SLC35G2: variants seen among roughly 807,000 people sequenced by gnomAD.
SLC35G2 encodes transmembrane protein 22.
Under a neutral mutation model 27.2 loss-of-function variants are expected in SLC35G2, and 20 were observed. The observed-to-expected ratio is 0.74, with a 90% CI of 0.52 to 1.07. The LOEUF (loss-of-function observed/expected upper bound fraction) is 1.07. Among genes scored for constraint, SLC35G2 ranks in the 50% least tolerant of loss-of-function variants. The pLI, the probability that SLC35G2 is intolerant of heterozygous loss-of-function variation, is 0.00. For missense variants in SLC35G2, 416 were observed against 493.3 expected (o/e 0.84, Z 1.48); for synonymous variants, 148 against 165.3 (o/e 0.90, Z 0.80).
chr3:136,850,094 G>A (rs1008095245), intron 1 of SLC35G2, among the ~76,000 whole-genome samples: 1 of 152,176 alleles, frequency 6.6e-6, no homozygotes, highest in East Asian at 1.9e-4. Context: ...GGGACAGAGC[G>A]AGACTCCGTC....
chr3:136,839,807 G>C (rs935217699), intron 1 of SLC35G2, among the ~76,000 whole-genome samples: 2 of 152,148 alleles, frequency 1.3e-5, no homozygotes, highest in Non-Finnish European at 2.9e-5. Flanking sequence ...TCAGTGGAGT[G>C]TCCAGCTCAA....
chr3:136,830,025 C>G (rs1172755098), intron 1 of SLC35G2, among the ~76,000 whole-genome samples: 5 of 151,666 alleles, frequency 3.3e-5, no homozygotes, highest in Non-Finnish European at 7.4e-5. Flanking sequence ...ATCTCTTTCA[C>G]TATCTCCTCT....
chr3:136,854,652 AG>A lies in SLC35G2; in HGVS notation c.195del (p.Arg66GlufsTer18). ...KGLLSEMKKK[G>X]RAFFGTMDTL... The stretch of plus-strand genomic sequence containing the variant: ...GTCTGCTGAGTGAAATGAAAAAAAA[AG>A]GGAGAGCTTTCTTTGGAACCATGGA... On this transcript the variant is annotated frameshift_variant, in exon 2 of 2. Transcript: ENST00000446465. LOFTEE classifies it high-confidence loss of function. The A allele has an allele frequency of 6.2e-7, 1 of 1,613,714 alleles. No individual in the cohort carries two copies.
rs908725825 is a variant in SLC35G2, at chr3:136,846,984, T to C, written c.-18-7459T>C. Among the ~76,000 whole-genome samples, 24 of 152,222 alleles carry C rather than the reference T, an allele frequency of 1.6e-4. 1 individual carries two copies. The highest frequency in any genetic ancestry group is 5.8e-4 in the African/African-American group (24 of 41,534). On this transcript the variant is annotated intron_variant, in intron 1 of 1. Transcript: ENST00000446465. ...GAGTTTGAGACAAACCTAGCCAACA[T>C]GGTGAAACCCCATTTCTACTAAAAA...
chr3:136,827,987 C>T (rs750291753), intron 1 of SLC35G2, among the ~76,000 whole-genome samples: 2 of 152,000 alleles, frequency 1.3e-5, no homozygotes, highest in Non-Finnish European at 2.9e-5. Flanking sequence ...CCACCATGCC[C>T]AGCTAATTTT....
intron 1 of SLC35G2, chr3:136,838,284 A>ATATATATATAT (rs1560013705): frequency 9.1e-5 from 10 of 109,774 alleles, no homozygotes; most frequent in African/African-American, 2.5e-4. Flanking sequence ...TATATATATA[A>ATATATATATAT]ATGCACACAC....
chr3:136,834,879 A>G (rs998153401), intron 1 of SLC35G2, among the ~76,000 whole-genome samples: 4 of 152,208 alleles, frequency 2.6e-5, no homozygotes, highest in Non-Finnish European at 4.4e-5. Flanking sequence ...TGGGTAAAAG[A>G]TAACTCTCTT....
chr3:136,835,458 T>C lies in SLC35G2; in HGVS notation c.-19+15830T>C, dbSNP rs188706869. On this transcript the variant is annotated intron_variant, in intron 1 of 1. Coordinates refer to ENST00000446465, the MANE Select transcript of SLC35G2 (RefSeq NM_025246.3). ...GTATCATATTAAAAGGCACATAATA[T>C]TGTTTTTTTGTTGGTGATGTTAACT... Among the ~76,000 whole-genome samples the C allele has an allele frequency of 2.3e-3, 345 of 152,194 alleles. 1 individual carries two copies. Among genetic ancestry groups the C allele is most frequent in the Non-Finnish European group, 4.0e-3 (273 of 67,996 alleles).
At chr3:136,824,141 A>C (rs766505935) in intron 1 of SLC35G2, among the ~76,000 whole-genome samples, 5 of 152,100 alleles carry the variant, frequency 3.3e-5, no homozygotes, top group Admixed American at 6.6e-5. Context: ...GTATAATTTG[A>C]AGTCACGTAA....
At chr3:136,830,170 G>A (rs747584583) in intron 1 of SLC35G2, among the ~76,000 whole-genome samples, 17 of 144,112 alleles carry the variant, frequency 1.2e-4, no homozygotes, top group Non-Finnish European at 2.4e-4. Flanking sequence ...GTGCAGTGGC[G>A]CGATCTCAGC....
rs1937895018 is a variant in SLC35G2 at position 136,854,750 on chromosome 3, A to G, written c.290A>G (p.Asn97Ser). Residue 97 changes from asparagine (N) to serine (S), a missense_variant, in exon 2 of 2, where the codon AAC becomes AGC. Physicochemically the swap from Asn to Ser is conservative, Grantham distance 46. Coordinates refer to ENST00000446465, the MANE Select transcript of SLC35G2 (RefSeq NM_025246.3). ...CAATTCCAGAGCTTTGCAGAAAAAA[A>G]CATTTTTCAATCCCGAAAAATGTGG... The part of the protein sequence containing the change: ...IGQFQSFAEK[N>S]IFQSRKMWIV... 2 of 1,614,176 alleles carry G rather than the reference A, an allele frequency of 1.2e-6. No individual in the cohort carries two copies. The highest frequency in any genetic ancestry group is 1.7e-6 in the Non-Finnish European group (2 of 1,180,020).
Position 136,854,782 on chromosome 3 carries a change from C to G in SLC35G2, c.322C>G (p.Leu108Val), listed in dbSNP as rs1237374448. The G allele has an allele frequency of 6.2e-7, 1 of 1,614,100 alleles. No homozygotes were observed. Among genetic ancestry groups the G allele is most frequent in the Non-Finnish European group, 8.5e-7 (1 of 1,180,010 alleles). Residue 108 changes from leucine (L) to valine (V), a missense_variant, in exon 2 of 2, where the codon CTG becomes GTG. By Grantham distance (32) the Leu-to-Val change is conservative (BLOSUM62 1). Coordinates refer to ENST00000446465, the MANE Select transcript of SLC35G2 (RefSeq NM_025246.3). ...TCAATCCCGAAAAATGTGGATAGTG[C>G]TGTTTGGATCTGCTTTGGCTCATGG... is the stretch of plus-strand genomic sequence containing the variant. ...IFQSRKMWIV[L>V]FGSALAHGCV...
chr3:136,845,804 C>T (rs1370824414), intron 1 of SLC35G2, among the ~76,000 whole-genome samples: 2 of 151,566 alleles, frequency 1.3e-5, no homozygotes, highest in Admixed American at 1.3e-4. Context: ...CCATGTTGGC[C>T]AGGATGGTCT....
intron 1 of SLC35G2, among the ~76,000 whole-genome samples, chr3:136,839,511 C>T (rs1201919703): frequency 6.6e-6 from 1 of 152,098 alleles, no homozygotes; most frequent in African/African-American, 2.4e-5. Context: ...AAGTCATGAA[C>T]CTTGACTGAG....
chr3:136,823,240 C>A (rs575018844), intron 1 of SLC35G2, among the ~76,000 whole-genome samples: 1 of 152,180 alleles, frequency 6.6e-6, no homozygotes, highest in African/African-American at 2.4e-5. Flanking sequence ...GATCTTTTGC[C>A]CATTTAAAAA....
At chr3:136,821,789 A>G (rs1186780509) in intron 1 of SLC35G2, among the ~76,000 whole-genome samples, 1 of 152,178 alleles carries the variant, frequency 6.6e-6, no homozygotes, top group Non-Finnish European at 1.5e-5. Context: ...TGTATTGTTG[A>G]TAGGTGCAAT....
At chr3:136,821,423 T>C (rs1936453019) in intron 1 of SLC35G2, among the ~76,000 whole-genome samples, 1 of 152,132 alleles carries the variant, frequency 6.6e-6, no homozygotes, top group Non-Finnish European at 1.5e-5. Flanking sequence ...AAAGAATATG[T>C]AACATGAGAT....
At chr3:136,852,656 C>T (rs1285570683) in intron 1 of SLC35G2, among the ~76,000 whole-genome samples, 2 of 151,794 alleles carry the variant, frequency 1.3e-5, no homozygotes, top group Non-Finnish European at 2.9e-5. Context: ...CCATTCCCAG[C>T]TAATTTTTGC....
chr3:136,827,403 G>A (rs551377425), intron 1 of SLC35G2, among the ~76,000 whole-genome samples: 19 of 152,132 alleles, frequency 1.2e-4, no homozygotes, highest in Admixed American at 1.2e-3. Context: ...TTATAGCGAT[G>A]AGGTTTTGCC....
Sources: gnomAD v4.1 joint callset for allele counts (sites outside exome capture counted in the v4.1 genomes callset) on GRCh38, gnomAD v4.1.1 for gene constraint, MANE v1.5 for transcripts, NCBI Gene and HGNC (gene_info 2026-07-23, HGNC 2026-07-21) for gene names.